The following NRG3 variants were observed in gnomAD, a reference collection of about 807,000 sequenced individuals.
The protein encoded by NRG3 is neuregulin 3, also known as pro-neuregulin-3, membrane-bound isoform.
In NRG3, 31 loss-of-function variants were observed where a neutral mutation model predicts 66.9. The ratio of observed to expected loss-of-function variants is 0.46; its 90% CI spans 0.35 to 0.63. NRG3 has a LOEUF of 0.63. NRG3 is among the 20% of genes least tolerant of loss of function. The probability of loss-of-function intolerance (pLI) is 0.00; values close to 1 mark genes in which losing one functional copy is unlikely to be tolerated. For synonymous variants in NRG3, 393 were observed against 359.4 expected, an observed-to-expected ratio of 1.09 and a Z score of -1.06; for missense variants, 910 against 878.9, an observed-to-expected ratio of 1.04 and a Z score of -0.45.
intron 3 of NRG3, among the ~76,000 whole-genome samples, chr10:82,740,286 G>T (rs2058360525): frequency 6.8e-6 from 1 of 148,064 alleles, no homozygotes; most frequent in Admixed American, 6.8e-5. Context: ...TTCATATGTG[G>T]CTGTGGAATA....
At chr10:82,742,239 T>A (rs570815671) in intron 3 of NRG3, among the ~76,000 whole-genome samples, 1 of 152,234 alleles carries the variant, frequency 6.6e-6, no homozygotes, top group African/African-American at 2.4e-5. Context: ...ATGTGTATCT[T>A]TTACATTAAA....
At chr10:81,887,500 C>T (rs978314928) in intron 1 of NRG3, among the ~76,000 whole-genome samples, 7 of 152,042 alleles carry the variant, frequency 4.6e-5, no homozygotes, top group African/African-American at 1.4e-4. Flanking sequence ...GTGCTGAGTA[C>T]TAGAAAGGAG....
At chr10:82,181,228 T>G (rs2073395598) in intron 1 of NRG3, among the ~76,000 whole-genome samples, 1 of 151,712 alleles carries the variant, frequency 6.6e-6, no homozygotes, top group African/African-American at 2.4e-5. Flanking sequence ...TTTTATTGTT[T>G]CTATTCTCTA....
chr10:82,651,993 A>T (rs1052098640), intron 2 of NRG3, among the ~76,000 whole-genome samples: 31 of 152,142 alleles, frequency 2.0e-4, no homozygotes, highest in African/African-American at 5.6e-4. Flanking sequence ...GAAGCACACA[A>T]GTGAGTGAGG....
chr10:82,667,152 C>T (rs1187530087), intron 2 of NRG3, among the ~76,000 whole-genome samples: 1 of 152,174 alleles, frequency 6.6e-6, no homozygotes, highest in Non-Finnish European at 1.5e-5. Flanking sequence ...GTCCTCTGAA[C>T]TCAGGAGTGG....
intron 6 of NRG3, among the ~76,000 whole-genome samples, chr10:82,966,034 GT>G (rs1851179690): frequency 6.6e-6 from 1 of 152,252 alleles, no homozygotes; most frequent in African/African-American, 2.4e-5. Context: ...TTACAGAAAA[GT>G]TGAGAGGATA....
intron 2 of NRG3, among the ~76,000 whole-genome samples, chr10:82,573,273 T>C (rs188763196): frequency 1.3e-5 from 2 of 151,888 alleles, no homozygotes; most frequent in African/African-American, 4.8e-5. Context: ...GAAAATCTGG[T>C]ATTCTTTCAG....
At chr10:82,957,689 A>T (rs1201441525) in intron 5 of NRG3, among the ~76,000 whole-genome samples, 1 of 151,876 alleles carries the variant, frequency 6.6e-6, no homozygotes, top group African/African-American at 2.4e-5. Flanking sequence ...CCACCCTTGG[A>T]CTGGCACCAT....
intron 3 of NRG3, among the ~76,000 whole-genome samples, chr10:82,835,529 G>A (rs1183072390): frequency 1.3e-5 from 2 of 152,150 alleles, no homozygotes; most frequent in African/African-American, 2.4e-5. Context: ...TTGGCTCTCA[G>A]TGATTAAGCA....
intron 1 of NRG3, chr10:81,877,956 G>C: frequency 6.5e-7 from 1 of 1,537,672 alleles, no homozygotes; most frequent in Non-Finnish European, 8.7e-7. Context: ...GCAGTTGATA[G>C]AATAATGGAG....
At chr10:82,334,101 C>A (rs552320097) in intron 1 of NRG3, among the ~76,000 whole-genome samples, 2 of 132,748 alleles carry the variant, frequency 1.5e-5, no homozygotes, top group African/African-American at 5.9e-5. Flanking sequence ...ACCCGGAAGG[C>A]GGAGCTTGCA....
At position 81,991,933 on chromosome 10, in the gene NRG3, G is replaced by A. The variant is rs796413732; in HGVS notation, c.823+115770G>A. On this transcript the variant is annotated intron_variant, in intron 1 of 8. Transcript: ENST00000372141. Reference sequence around the variant, plus strand: ...ACAAATATTATATCATAGTTTCTGAGCATTAGTCACAGAAAAACTCCTGAG... The same window carrying A: ...ACAAATATTATATCATAGTTTCTGAACATTAGTCACAGAAAAACTCCTGAG... Among the ~76,000 whole-genome samples the A allele has an allele frequency of 1.8e-4, 27 of 152,120 alleles. 2 individuals are homozygous for A. The highest frequency in any genetic ancestry group is 6.3e-4 in the African/African-American group (26 of 41,522).
chr10:82,810,018 T>C (rs560946961), intron 3 of NRG3, among the ~76,000 whole-genome samples: 2 of 152,252 alleles, frequency 1.3e-5, no homozygotes, highest in Admixed American at 1.3e-4. Context: ...GAAAGTTGCT[T>C]TTTCTTATTG....
intron 2 of NRG3, among the ~76,000 whole-genome samples, chr10:82,405,079 T>C (rs1430181051): frequency 1.3e-5 from 2 of 152,102 alleles, no homozygotes; most frequent in Non-Finnish European, 1.5e-5. Context: ...GAAGGAGTGC[T>C]CCAAAGGAAA....
At chr10:82,513,788 A>G (rs1424359803) in intron 2 of NRG3, among the ~76,000 whole-genome samples, 1 of 152,146 alleles carries the variant, frequency 6.6e-6, no homozygotes, top group Non-Finnish European at 1.5e-5. Context: ...TCAAAACAAA[A>G]AAGTAAAATA....
chr10:82,965,336 A>G (rs1175112883), intron 6 of NRG3, among the ~76,000 whole-genome samples: 1 of 152,200 alleles, frequency 6.6e-6, no homozygotes, highest in East Asian at 1.9e-4. Context: ...ACAGGCAGCT[A>G]ATCTGAGCAC....
chr10:82,271,586 C>T (rs2078600730), intron 1 of NRG3, among the ~76,000 whole-genome samples: 3 of 151,898 alleles, frequency 2.0e-5, no homozygotes, highest in Admixed American at 2.0e-4. Context: ...CATGAAGTGT[C>T]TAAACAATAC....
At chr10:82,133,204 A>G (rs2069066829) in intron 1 of NRG3, among the ~76,000 whole-genome samples, 1 of 151,870 alleles carries the variant, frequency 6.6e-6, no homozygotes, top group African/African-American at 2.4e-5. Flanking sequence ...ATTGCTAGAA[A>G]CTTTTCTCTT....
At chr10:82,213,456 T>C (rs576761689) in intron 1 of NRG3, among the ~76,000 whole-genome samples, 3 of 152,186 alleles carry the variant, frequency 2.0e-5, no homozygotes, top group Non-Finnish European at 2.9e-5. Flanking sequence ...GAAACAAAAG[T>C]GAATTCTGTG....
Sources: gnomAD v4.1 joint callset for allele counts (sites outside exome capture counted in the v4.1 genomes callset) on GRCh38, gnomAD v4.1.1 for gene constraint, MANE v1.5 for transcripts, NCBI Gene and HGNC (gene_info 2026-07-23, HGNC 2026-07-21) for gene names.